The following KRAS variants were observed in gnomAD, a reference collection of about 807,000 sequenced individuals.
KRAS encodes GTPase KRas.
A neutral mutation model predicts 21.0 loss-of-function variants in KRAS; 1 was observed. The ratio of observed to expected loss-of-function variants is 0.05; its 90% CI spans 0.02 to 0.23. KRAS has a LOEUF of 0.23. Ranked by LOEUF, KRAS falls within the 10% of genes least tolerant of loss-of-function variation. The probability of loss-of-function intolerance (pLI) is 1.00; values close to 1 mark genes in which losing one functional copy is unlikely to be tolerated. For missense variants in KRAS, 107 were observed against 221.8 expected (o/e 0.48, Z 3.29); for synonymous variants, 67 against 72.5 (o/e 0.92, Z 0.39).
chr12:25,237,256 G>T (rs565289730), intron 2 of KRAS, among the ~76,000 whole-genome samples: 7 of 152,286 alleles, frequency 4.6e-5, no homozygotes, highest in Admixed American at 2.6e-4. Context: ...ATTGGGGAGT[G>T]GCTGCTAATG....
chr12:25,237,397 T>A (rs1951556894), intron 2 of KRAS, among the ~76,000 whole-genome samples: 1 of 152,210 alleles, frequency 6.6e-6, no homozygotes, highest in Non-Finnish European at 1.5e-5. Flanking sequence ...ACATTTCAAT[T>A]TTTTAAAATA....
At chr12:25,234,477 T>A (rs748032880) in intron 2 of KRAS, 3 of 182,474 alleles carry the variant, frequency 1.6e-5, no homozygotes, top group Non-Finnish European at 3.5e-5. Flanking sequence ...TATTTTTAAA[T>A]TTTTGTTGGT....
At chr12:25,242,771 G>T (rs939371176) in intron 2 of KRAS, among the ~76,000 whole-genome samples, 3 of 152,082 alleles carry the variant, frequency 2.0e-5, no homozygotes, top group African/African-American at 7.2e-5. Flanking sequence ...CTAATTTTCA[G>T]TTTTAAAAAG....
chr12:25,246,013 T>C (rs1951675090), intron 1 of KRAS, among the ~76,000 whole-genome samples: 1 of 151,996 alleles, frequency 6.6e-6, no homozygotes, highest in Non-Finnish European at 1.5e-5. Flanking sequence ...ATTTAAACAC[T>C]GAGGCAAAGA....
Position 25,206,784 on chromosome 12 carries a change from A to G in KRAS, c.*3011T>C, listed in dbSNP as rs1384622224. ...CTAGTTCAGGCACCTGTTTATTTGT[A>G]CCCAGATAAAACTATTAATTTTTAA... On this transcript the variant is annotated 3_prime_UTR_variant, in exon 5 of 5. Coordinates refer to ENST00000311936, the MANE Select transcript of KRAS (RefSeq NM_004985.5). The G allele has an allele frequency of 1.0e-5, 2 of 196,392 alleles. No individual in the cohort carries two copies. Among genetic ancestry groups the G allele is most frequent in the Non-Finnish European group, 2.1e-5 (2 of 94,722 alleles). 12.2% of individuals were successfully genotyped at this position (196,392 alleles called of 1,614,324 possible).
rs540583825 is a variant in KRAS, at chr12:25,247,664, T to C, written c.-11-2269A>G. ...CCTCAGGTTACTAAGACTTTTCTGG[T>C]GTGCAAGAGGTCAAAACTGTTTTCA... On this transcript the variant is annotated intron_variant, in intron 1 of 4. Coordinates refer to ENST00000311936, the MANE Select transcript of KRAS (RefSeq NM_004985.5). 2.0e-5 allele frequency among the ~76,000 whole-genome samples: 3 copies of C among 152,366 alleles called. No individual in the cohort carries two copies. In the East Asian group the frequency reaches 5.8e-4, roughly 29 times the overall value.
chr12:25,247,426 T>C (rs1418616303), intron 1 of KRAS, among the ~76,000 whole-genome samples: 3 of 152,218 alleles, frequency 2.0e-5, no homozygotes, highest in Admixed American at 6.5e-5. Context: ...CCTAGACTTA[T>C]TGGCTGCTTG....
At chr12:25,222,656 T>C (rs959182018) in intron 4 of KRAS, among the ~76,000 whole-genome samples, 2 of 152,058 alleles carry the variant, frequency 1.3e-5, no homozygotes, top group Admixed American at 6.6e-5. Flanking sequence ...TTTATCTACT[T>C]ACATATTATA....
intron 4 of KRAS, among the ~76,000 whole-genome samples, chr12:25,212,571 A>G (rs985826712): frequency 1.3e-5 from 2 of 152,158 alleles, no homozygotes; most frequent in African/African-American, 4.8e-5. Context: ...TTTTAAAAAT[A>G]AATAAGTAAT....
At chr12:25,222,498 A>T (rs914759370) in intron 4 of KRAS, among the ~76,000 whole-genome samples, 1 of 152,186 alleles carries the variant, frequency 6.6e-6, no homozygotes, top group Non-Finnish European at 1.5e-5. Flanking sequence ...TTTATAGTTT[A>T]GCAACATAAA....
chr12:25,238,432 T>C (rs1312228695), intron 2 of KRAS, among the ~76,000 whole-genome samples: 1 of 152,200 alleles, frequency 6.6e-6, no homozygotes, highest in Non-Finnish European at 1.5e-5. Flanking sequence ...ATATTATTTA[T>C]TTAGCCTTAA....
At chr12:25,218,643 C>CA (rs1951281997) in intron 4 of KRAS, among the ~76,000 whole-genome samples, 2 of 152,276 alleles carry the variant, frequency 1.3e-5, no homozygotes, top group South Asian at 2.1e-4. Context: ...GCTTTAAAGT[C>CA]ATACTGACAT....
At position 25,209,304 on chromosome 12, in the gene KRAS, G is replaced by T; in HGVS notation, c.*491C>A. The T allele has an allele frequency of 1.6e-6, 1 of 623,946 alleles. No homozygotes were observed. The highest frequency in any genetic ancestry group is 2.8e-6 in the Non-Finnish European group (1 of 352,956). The allele number at this position is 623,946 out of a possible 1,614,324, so 38.7% of individuals were successfully genotyped here. On this transcript the variant is annotated 3_prime_UTR_variant, in exon 5 of 5. Transcript: ENST00000311936. ...ATTCATCAGGGATGACAAACTATAGGACATGATGCCTAGAAGAATCATCAT... is the reference window on the plus strand; with the variant it reads ...ATTCATCAGGGATGACAAACTATAGTACATGATGCCTAGAAGAATCATCAT...
In KRAS at chr12:25,230,432, C is replaced by G. The variant is rs988459012; in HGVS notation, c.112-3020G>C. Among the ~76,000 whole-genome samples the G allele has an allele frequency of 5.3e-5, 8 of 152,092 alleles. 1 individual carries two copies. In the East Asian group the frequency reaches 1.5e-3, roughly 29 times the overall value. On this transcript the variant is annotated intron_variant, in intron 2 of 4. Transcript: ENST00000311936. ...TCACCTGAGGTCGGGAGTTTGAGAT[C>G]AGCCTGACCAACACGGAGAAACCCC... is the stretch of plus-strand genomic sequence containing the variant.
At chr12:25,226,305 A>G (rs1179368805) in intron 3 of KRAS, among the ~76,000 whole-genome samples, 1 of 152,222 alleles carries the variant, frequency 6.6e-6, no homozygotes, top group Non-Finnish European at 1.5e-5. Flanking sequence ...TCAATATAAC[A>G]AGTGCATAAA....
chr12:25,210,420 AT>A (rs1951189985), intron 4 of KRAS, among the ~76,000 whole-genome samples: 1 of 152,192 alleles, frequency 6.6e-6, no homozygotes, highest in Non-Finnish European at 1.5e-5. Context: ...AGTAAACAGT[AT>A]TCGAACATCC....
At position 25,206,621 on chromosome 12, in the gene KRAS, C is replaced by G. The variant is rs1951141467; in HGVS notation, c.*3174G>C. 5.0e-6 allele frequency: 1 copy of G among 201,990 alleles called. No individual in the cohort carries two copies. The highest frequency in any genetic ancestry group is 2.3e-5 in the African/African-American group (1 of 43,648). The allele number at this position is 201,990 out of a possible 1,614,324, so 12.5% of individuals were successfully genotyped here. A position where few individuals can be genotyped will look rare whatever the true frequency, so the allele number is the denominator to read the frequency against. On this transcript the variant is annotated 3_prime_UTR_variant, in exon 5 of 5. Transcript: ENST00000311936. Reference sequence around the variant, plus strand: ...AGCACTGCAGTTCCTGAAGTATGGCCATTTCTTTCTCTGTGTAGAAACGAG... The same window carrying G: ...AGCACTGCAGTTCCTGAAGTATGGCGATTTCTTTCTCTGTGTAGAAACGAG...
At chr12:25,244,900 T>A (rs755845501) in intron 2 of KRAS, among the ~76,000 whole-genome samples, 24 of 152,162 alleles carry the variant, frequency 1.6e-4, no homozygotes, top group African/African-American at 4.6e-4. Context: ...TATATTTCAC[T>A]AGTACAATTA....
At chr12:25,234,545 T>C (rs935864573) in intron 2 of KRAS, 6 of 185,602 alleles carry the variant, frequency 3.2e-5, no homozygotes, top group Non-Finnish European at 6.8e-5. Context: ...AGTAATAATG[T>C]TATATAGGTT....
Sources: allele counts gnomAD v4.1 joint callset (sites outside exome capture counted in the v4.1 genomes callset), GRCh38; gene constraint gnomAD v4.1.1; transcripts MANE v1.5; gene names NCBI Gene and HGNC (gene_info 2026-07-23, HGNC 2026-07-21).